ELP1: variants seen among roughly 807,000 people sequenced by gnomAD.
ELP1 encodes elongator acetyltransferase complex subunit 1, also known as elongator complex protein 1.
In ELP1, 131 loss-of-function variants were observed where a neutral mutation model predicts 183.2. The observed-to-expected ratio is 0.72, with a 90% CI of 0.62 to 0.83. ELP1 has a LOEUF of 0.83. Ranked by LOEUF, ELP1 falls within the 40% of genes least tolerant of loss-of-function variation. ELP1 has a pLI of 0.00. For missense variants in ELP1, 1,550 were observed against 1,594.9 expected, an observed-to-expected ratio of 0.97 and a Z score of 0.48; for synonymous variants, 555 against 569.0, an observed-to-expected ratio of 0.98 and a Z score of 0.35.
rs199617267 is a variant in ELP1 at position 108,893,996 on chromosome 9, A to G, written c.2807T>C (p.Ile936Thr). 6.2e-5 allele frequency: 100 copies of G among 1,609,286 alleles called. No homozygotes were observed. Among genetic ancestry groups the G allele is most frequent in the Non-Finnish European group, 8.3e-5 (97 of 1,175,678 alleles). Reference protein sequence around the residue: ...KMETNYQRFTIDKYLKRYEKA... With the variant: ...KMETNYQRFTTDKYLKRYEKA... ...TTCATATCGTTTCAAGTATTTGTCT[A>G]TAGTAAACCGCTGATAATTAGTTTC... Residue 936 changes from isoleucine (I) to threonine (T), a missense_variant, in exon 26 of 37, where the codon ATA (isoleucine) becomes ACA (threonine). Coordinates refer to ENST00000374647, the MANE Select transcript of ELP1 (RefSeq NM_003640.5).
chr9:108,892,459 TGGCATG>T (rs1828376866), intron 27 of ELP1, among the ~76,000 whole-genome samples: 1 of 152,160 alleles, frequency 6.6e-6, no homozygotes, highest in Admixed American at 6.5e-5. Flanking sequence ...TGGTGGTTAA[TGGCATG>T]GGCAGGGTGG....
intron 36 of ELP1, among the ~76,000 whole-genome samples, chr9:108,873,385 T>C (rs1264902722): frequency 1.3e-5 from 2 of 152,216 alleles, no homozygotes; most frequent in East Asian, 1.9e-4. Flanking sequence ...GGCACTAATT[T>C]TGTGATTAGT....
At chr9:108,911,281 AC>A in intron 11 of ELP1, 101 bp from the exon 12 acceptor site, 1 of 1,127,534 alleles carries the variant, frequency 8.9e-7, no homozygotes, top group Non-Finnish European at 1.3e-6. Flanking sequence ...ATGGCAATTC[AC>A]AAAAAAATAA....
intron 14 of ELP1, among the ~76,000 whole-genome samples, chr9:108,905,544 C>T (rs566982632): frequency 2.0e-5 from 3 of 152,148 alleles, no homozygotes; most frequent in East Asian, 1.9e-4. Flanking sequence ...TAGTCAGGTA[C>T]AAAATAGGAT....
At chr9:108,898,237 A>G (rs1828630021) in intron 22 of ELP1, among the ~76,000 whole-genome samples, 1 of 152,246 alleles carries the variant, frequency 6.6e-6, no homozygotes, top group Non-Finnish European at 1.5e-5. Context: ...TCAGTCTCCT[A>G]GGAAAAACAA....
At chr9:108,890,933 T>C (rs771581379) in intron 28 of ELP1, among the ~76,000 whole-genome samples, 1 of 152,180 alleles carries the variant, frequency 6.6e-6, no homozygotes. Flanking sequence ...GCTACAACCA[T>C]CTGCCTAAAA....
intron 10 of ELP1, among the ~76,000 whole-genome samples, chr9:108,915,135 T>C (rs1310145426): frequency 6.6e-6 from 1 of 152,222 alleles, no homozygotes; most frequent in Admixed American, 6.5e-5. Flanking sequence ...TATAAAAATA[T>C]TCTTACTTTT....
intron 5 of ELP1, among the ~76,000 whole-genome samples, chr9:108,923,265 A>G (rs1829718690): frequency 6.6e-6 from 1 of 152,136 alleles, no homozygotes; most frequent in South Asian, 2.1e-4. Flanking sequence ...CCAGCTACTC[A>G]AGAGACTAAA....
chr9:108,886,138 C>T (rs184206990), intron 29 of ELP1, among the ~76,000 whole-genome samples: 91 of 152,292 alleles, frequency 6.0e-4, no homozygotes, highest in Non-Finnish European at 8.1e-4. Context: ...ATTGGCAGTA[C>T]GCCAAGTCTG....
At chr9:108,890,626 A>G (rs1327959332) in intron 28 of ELP1, among the ~76,000 whole-genome samples, 1 of 152,156 alleles carries the variant, frequency 6.6e-6, no homozygotes, top group Non-Finnish European at 1.5e-5. Flanking sequence ...CTTGTCCCTG[A>G]CGCAGCTAAA....
intron 5 of ELP1, among the ~76,000 whole-genome samples, chr9:108,923,923 T>C (rs928580292): frequency 3.3e-5 from 5 of 152,344 alleles, no homozygotes; most frequent in African/African-American, 1.2e-4. Flanking sequence ...TTGATTCTGA[T>C]TCTGATGAAG....
At chr9:108,912,555 C>A (rs1829270112) in intron 10 of ELP1, 61 bp from the exon 11 acceptor site, 1 of 1,206,172 alleles carries the variant, frequency 8.3e-7, no homozygotes, top group African/African-American at 1.5e-5. Flanking sequence ...ATCCCACTTG[C>A]CAGAGGGGTT....
At chr9:108,917,943 T>C (rs1216860992) in intron 8 of ELP1, among the ~76,000 whole-genome samples, 2 of 152,196 alleles carry the variant, frequency 1.3e-5, no homozygotes, top group Non-Finnish European at 2.9e-5. Flanking sequence ...ATATTTACAT[T>C]GCATTTGGAT....
intron 29 of ELP1, among the ~76,000 whole-genome samples, chr9:108,884,311 G>C (rs1236382872): frequency 3.9e-4 from 59 of 152,218 alleles, no homozygotes. Context: ...CAAATACTGG[G>C]AGACTTCAAC....
intron 30 of ELP1, 101 bp from the exon 31 acceptor site, chr9:108,881,866 T>G: frequency 1.2e-6 from 1 of 811,142 alleles, no homozygotes; most frequent in South Asian, 1.5e-5. Context: ...GTAATCAGAA[T>G]ATTTTCCTGA....
intron 36 of ELP1, among the ~76,000 whole-genome samples, chr9:108,870,716 A>G (rs1827417902): frequency 6.6e-6 from 1 of 152,178 alleles, no homozygotes; most frequent in Non-Finnish European, 1.5e-5. Flanking sequence ...AGTTTCTTTT[A>G]GTTTCAGTGC....
rs1478959172 is a variant in ELP1 at position 108,881,783 on chromosome 9, A to G, written c.3286-18T>C. ...TTGTATACCTAGAAGGAAAAACACAATAATTTTAGGAAGGAAAACTTCTAG... is the reference window on the plus strand; with the variant it reads ...TTGTATACCTAGAAGGAAAAACACAGTAATTTTAGGAAGGAAAACTTCTAG... On this transcript the variant is annotated intron_variant, in intron 30 of 36. Coordinates refer to ENST00000374647, the MANE Select transcript of ELP1 (RefSeq NM_003640.5). The G allele has an allele frequency of 7.0e-7, 1 of 1,421,778 alleles. No individual in the cohort carries two copies. Among genetic ancestry groups the G allele is most frequent in the South Asian group, 1.1e-5 (1 of 87,022 alleles). The allele number at this position is 1,421,778 out of a possible 1,614,324, so 88.1% of individuals were successfully genotyped here. A position where few individuals can be genotyped will look rare whatever the true frequency, so the allele number is the denominator to read the frequency against.
At position 108,930,981 on chromosome 9, in the gene ELP1, T is replaced by C. The variant is rs148164198; in HGVS notation, c.150+16A>G. ...GGGTCATACCCACATGCTGGCATTCTACATCAGTAACTTACTTCTCTTGAG... is the reference window on the plus strand; with the variant it reads ...GGGTCATACCCACATGCTGGCATTCCACATCAGTAACTTACTTCTCTTGAG... On this transcript the variant is annotated intron_variant, in intron 2 of 36. Transcript: ENST00000374647. The C allele has an allele frequency of 1.6e-4, 260 of 1,613,960 alleles. No individual in the cohort carries two copies. The Middle Eastern group carries it at 1.6e-3, about 10-fold the overall frequency.
At chr9:108,879,323 C>G (rs1827823073) in intron 33 of ELP1, 123 bp downstream of exon 33, 1 of 756,126 alleles carries the variant, frequency 1.3e-6, no homozygotes, top group Admixed American at 2.0e-5. Flanking sequence ...AACTTCCACA[C>G]AGCGCTGAAG....
Sources: allele counts gnomAD v4.1 joint callset (sites outside exome capture counted in the v4.1 genomes callset), GRCh38; gene constraint gnomAD v4.1.1; transcripts MANE v1.5; gene names NCBI Gene and HGNC (gene_info 2026-07-23, HGNC 2026-07-21).